Variants in MACROD1 observed in about 807,000 individuals in gnomAD.
The protein encoded by MACROD1 is mono-ADP ribosylhydrolase 1.
A neutral mutation model predicts 41.4 loss-of-function variants in MACROD1; 31 were observed. The ratio of observed to expected loss-of-function variants is 0.75; its 90% CI spans 0.56 to 1.01. The LOEUF is 1.01. Ranked by LOEUF, MACROD1 falls within the 50% of genes least tolerant of loss-of-function variation. The probability of loss-of-function intolerance (pLI) is 0.00; values close to 1 mark genes in which losing one functional copy is unlikely to be tolerated. For synonymous variants in MACROD1, 252 were observed against 203.4 expected (o/e 1.24, Z -2.03); for missense variants, 473 against 460.0 (o/e 1.03, Z -0.26).
intron 3 of MACROD1, among the ~76,000 whole-genome samples, chr11:64,072,423 TAA>T (rs11354064): frequency 8.2e-5 from 12 of 146,578 alleles, no homozygotes; most frequent in Middle Eastern, 3.4e-3. Flanking sequence ...CCGGCTCATT[TAA>T]AAAAAAAAAA....
intron 3 of MACROD1, among the ~76,000 whole-genome samples, chr11:64,138,032 T>A (rs986554591): frequency 6.6e-6 from 1 of 152,242 alleles, no homozygotes; most frequent in African/African-American, 2.4e-5. Context: ...TGTCAAGTGT[T>A]TGCATGCACC....
chr11:64,041,062 C>T (rs747373462), intron 3 of MACROD1, among the ~76,000 whole-genome samples: 26 of 151,802 alleles, frequency 1.7e-4, no homozygotes, highest in Non-Finnish European at 2.8e-4. Flanking sequence ...ACTGGGGTCA[C>T]GGGGCGCTAG....
At chr11:64,024,941 A>C (rs1943205415) in intron 3 of MACROD1, among the ~76,000 whole-genome samples, 1 of 152,146 alleles carries the variant, frequency 6.6e-6, no homozygotes, top group Non-Finnish European at 1.5e-5. Context: ...GCTTTCTTCT[A>C]AAAGGAGAAA....
chr11:64,006,966 CA>C, intron 4 of MACROD1, among the ~76,000 whole-genome samples: 1 of 152,264 alleles, frequency 6.6e-6, no homozygotes, highest in East Asian at 1.9e-4. Flanking sequence ...TGGGGTCAGG[CA>C]GGGGTGGCAG....
intron 3 of MACROD1, among the ~76,000 whole-genome samples, chr11:64,065,838 C>T (rs541298348): frequency 6.6e-6 from 1 of 151,528 alleles, no homozygotes; most frequent in Non-Finnish European, 1.5e-5. Context: ...CCCCTCTCTC[C>T]ATGCACAGGC....
In MACROD1 at chr11:64,122,256, GCTTGCTC is replaced by G. The variant is rs566531669; in HGVS notation, c.517+28976_517+28982del. Among the ~76,000 whole-genome samples the G allele has an allele frequency of 6.6e-6, 1 of 152,302 alleles. No individual in the cohort carries two copies. The highest frequency in any genetic ancestry group is 1.9e-4 in the East Asian group (1 of 5,178). On this transcript the variant is annotated intron_variant, in intron 3 of 10. Coordinates refer to ENST00000255681, the MANE Select transcript of MACROD1 (RefSeq NM_014067.4). This position sits in a 1 kb window ranked among gnomAD's most constrained non-coding sequence, Gnocchi z 4.0. ...CTCCATCTTCTCTAAATAGGCTGGG[GCTTGCTC>G]CACGCTAACATGGTGCATGCGGCGG...
rs540483585 is a variant in MACROD1, at chr11:64,075,669, C to T, written c.518-60388G>A. 2.8e-4 allele frequency among the ~76,000 whole-genome samples: 42 copies of T among 152,368 alleles called. 1 individual carries two copies. Among genetic ancestry groups the T allele is most frequent in the African/African-American group, 8.4e-4 (35 of 41,582 alleles). On this transcript the variant is annotated intron_variant, in intron 3 of 10. Transcript: ENST00000255681. ...AGGGGGACCCCGAATCTGGCCCTGG[C>T]TGCTGCTGCTTCTTTTTTTTGAGAT...
chr11:64,020,667 G>A (rs998697850), intron 3 of MACROD1, among the ~76,000 whole-genome samples: 2 of 151,994 alleles, frequency 1.3e-5, no homozygotes, highest in African/African-American at 2.4e-5. Flanking sequence ...CCCCGGTGAT[G>A]CTCTCCTGGG....
intron 3 of MACROD1, among the ~76,000 whole-genome samples, chr11:64,076,298 C>G (rs996749614): frequency 1.3e-5 from 2 of 152,222 alleles, no homozygotes; most frequent in Non-Finnish European, 2.9e-5. Flanking sequence ...TCAAAAGACC[C>G]CACATGCCAT....
intron 4 of MACROD1, among the ~76,000 whole-genome samples, chr11:64,007,481 C>G (rs908069973): frequency 6.6e-6 from 1 of 152,060 alleles, no homozygotes; most frequent in African/African-American, 2.4e-5. Flanking sequence ...GCGGAGAGCT[C>G]AGGAAGGGCA....
chr11:64,106,082 G>A (rs1022953889), intron 3 of MACROD1, among the ~76,000 whole-genome samples: 4 of 152,136 alleles, frequency 2.6e-5, no homozygotes, highest in African/African-American at 7.2e-5. Context: ...TATCAGTGGG[G>A]GTGAGGAGGG....
chr11:64,105,045 T>C (rs532795221), intron 3 of MACROD1, among the ~76,000 whole-genome samples: 6 of 152,362 alleles, frequency 3.9e-5, no homozygotes, highest in African/African-American at 1.4e-4. Context: ...CACCAGGGCC[T>C]GGGACATTCG....
intron 3 of MACROD1, chr11:64,148,810 T>A: frequency 1.0e-6 from 1 of 985,694 alleles, no homozygotes; most frequent in African/African-American, 1.7e-5. Flanking sequence ...GGAACTGCAA[T>A]CTCTGCTGCC....
rs1483229810 is a variant in MACROD1, at chr11:64,064,582, T to C, written c.518-49301A>G. 1.3e-5 allele frequency among the ~76,000 whole-genome samples: 2 copies of C among 151,608 alleles called. No individual in the cohort carries two copies. The highest frequency in any genetic ancestry group is 2.9e-5 in the Non-Finnish European group (2 of 67,828). On this transcript the variant is annotated intron_variant, in intron 3 of 10. Transcript: ENST00000255681. This position sits in a 1 kb window ranked among gnomAD's most constrained non-coding sequence, Gnocchi z 4.5. ...GCCTGCTGGCTGACACGGAGCTGGC[T>C]TTCTTCCCTGGCCCTGTTAAAACCC...
At chr11:64,032,838 GC>G (rs1183751282) in intron 3 of MACROD1, among the ~76,000 whole-genome samples, 1 of 152,096 alleles carries the variant, frequency 6.6e-6, no homozygotes, top group African/African-American at 2.4e-5. Context: ...CCCTCGTGGT[GC>G]CCTACTCCTT....
Position 64,149,102 on chromosome 11 carries a change from G to A in MACROD1, c.517+2137C>T, listed in dbSNP as rs547230597. The A allele has an allele frequency of 8.5e-6, 7 of 822,278 alleles. 1 individual carries two copies. In the African/African-American group the frequency reaches 1.1e-4, roughly 13 times the overall value. The allele number at this position is 822,278 out of a possible 1,614,324, so 50.9% of individuals were successfully genotyped here. On this transcript the variant is annotated intron_variant, in intron 3 of 10. Transcript: ENST00000255681. ...GGGTAAACTGAGGCAAGCAGGGGGA[G>A]GTGAAAGCTGATCATTTGCAGGAGG...
At chr11:64,019,635 G>A (rs1943127130) in intron 3 of MACROD1, among the ~76,000 whole-genome samples, 1 of 152,214 alleles carries the variant, frequency 6.6e-6, no homozygotes, top group Non-Finnish European at 1.5e-5. Context: ...TGAATTCAGT[G>A]CCAGTTGGGT....
rs771128166 is a variant in MACROD1 at position 64,067,859 on chromosome 11, C to T, written c.518-52578G>A. Among the ~76,000 whole-genome samples the T allele has an allele frequency of 5.3e-5, 8 of 152,148 alleles. No individual in the cohort carries two copies. The highest frequency in any genetic ancestry group is 3.9e-4 in the East Asian group (2 of 5,184). ...TGAGGGGGTTGGGGGAGGAGCTGAG[C>T]GGCCCACTTCCTGCTGCTGTCCATT... On this transcript the variant is annotated intron_variant, in intron 3 of 10. Coordinates refer to ENST00000255681, the MANE Select transcript of MACROD1 (RefSeq NM_014067.4). This position sits in a 1 kb window ranked among gnomAD's most constrained non-coding sequence, Gnocchi z 4.6.
chr11:64,139,929 C>T (rs1945387808), intron 3 of MACROD1, among the ~76,000 whole-genome samples: 1 of 148,236 alleles, frequency 6.7e-6, no homozygotes, highest in South Asian at 2.2e-4. Context: ...GCACTCTAGC[C>T]TGGGTGACAG....
Sources: allele counts gnomAD v4.1 joint callset (sites outside exome capture counted in the v4.1 genomes callset), GRCh38; gene constraint gnomAD v4.1.1; non-coding constraint Gnocchi (gnomAD v3.1); transcripts MANE v1.5; gene names NCBI Gene and HGNC (gene_info 2026-07-23, HGNC 2026-07-21).